SLC4A10: variants seen among roughly 807,000 people sequenced by gnomAD.
The protein encoded by SLC4A10 is solute carrier family 4 member 10, also known as sodium-driven chloride bicarbonate exchanger.
SLC4A10 carries 42 observed loss-of-function variants against 137.7 expected under a neutral mutation model. That is an observed-to-expected ratio of 0.30 (90% CI 0.24 to 0.39). The LOEUF (loss-of-function observed/expected upper bound fraction) is 0.39. SLC4A10 is among the 10% of genes least tolerant of loss of function. SLC4A10 has a pLI of 1.00. For synonymous variants in SLC4A10, 474 were observed against 464.1 expected, an observed-to-expected ratio of 1.02 and a Z score of -0.27; for missense variants, 925 against 1,355.0, an observed-to-expected ratio of 0.68 and a Z score of 4.98.
At chr2:161,785,663 C>T (rs1242612347) in intron 2 of SLC4A10, among the ~76,000 whole-genome samples, 1 of 151,676 alleles carries the variant, frequency 6.6e-6, no homozygotes, top group Admixed American at 6.6e-5. Context: ...AAACTCTCAA[C>T]AAATTAGCTG....
chr2:161,900,318 AT>A (rs1682774575), intron 11 of SLC4A10, among the ~76,000 whole-genome samples: 1 of 152,094 alleles, frequency 6.6e-6, no homozygotes, highest in African/African-American at 2.4e-5. Context: ...ATTGTAAACT[AT>A]TTACTGGGTA....
At chr2:161,653,536 A>T (rs2037103559) in intron 1 of SLC4A10, among the ~76,000 whole-genome samples, 1 of 152,220 alleles carries the variant, frequency 6.6e-6, no homozygotes, top group Admixed American at 6.5e-5. Flanking sequence ...AATAATCGCC[A>T]TTCTAACTGG....
At chr2:161,956,872 A>G in intron 19 of SLC4A10, 117 bp from the exon 20 acceptor site, 1 of 1,119,734 alleles carries the variant, frequency 8.9e-7, no homozygotes, top group South Asian at 1.7e-5. Flanking sequence ...ACTCCAGGAG[A>G]TCTGATATGA....
At chr2:161,780,207 A>G (rs1473799750) in intron 2 of SLC4A10, among the ~76,000 whole-genome samples, 1 of 152,080 alleles carries the variant, frequency 6.6e-6, no homozygotes, top group African/African-American at 2.4e-5. Flanking sequence ...ATATGTATTT[A>G]TTATGTAAAG....
At chr2:161,976,344 A>C (rs1277556760) in intron 24 of SLC4A10, among the ~76,000 whole-genome samples, 1 of 152,214 alleles carries the variant, frequency 6.6e-6, no homozygotes, top group East Asian at 1.9e-4. Context: ...TAACTGAAAT[A>C]AACCAGTCAC....
chr2:161,645,696 T>A (rs1164234494), intron 1 of SLC4A10, among the ~76,000 whole-genome samples: 2 of 152,042 alleles, frequency 1.3e-5, no homozygotes, highest in Non-Finnish European at 2.9e-5. Context: ...TAAGACTTTT[T>A]AAAAATATAA....
intron 1 of SLC4A10, among the ~76,000 whole-genome samples, chr2:161,698,868 G>A (rs995987624): frequency 2.0e-5 from 3 of 152,132 alleles, no homozygotes; most frequent in Non-Finnish European, 4.4e-5. Flanking sequence ...GATTGGAGTA[G>A]TTTCAGAAGG....
At chr2:161,774,715 G>A (rs1414336503) in intron 2 of SLC4A10, among the ~76,000 whole-genome samples, 2 of 151,826 alleles carry the variant, frequency 1.3e-5, no homozygotes, top group South Asian at 4.1e-4. Flanking sequence ...CCTAGCATCA[G>A]AGTTCCATGT....
chr2:161,915,167 T>A (rs777782561), intron 15 of SLC4A10, among the ~76,000 whole-genome samples: 1 of 152,068 alleles, frequency 6.6e-6, no homozygotes, highest in Non-Finnish European at 1.5e-5. Context: ...AGATGGTGGC[T>A]GGACATTGGA....
intron 3 of SLC4A10, among the ~76,000 whole-genome samples, chr2:161,826,629 A>G (rs2058038343): frequency 6.6e-6 from 1 of 152,218 alleles, no homozygotes; most frequent in Non-Finnish European, 1.5e-5. Flanking sequence ...TATAAGTAAT[A>G]TAGCTAATAA....
intron 26 of SLC4A10, 55 bp from the exon 27 acceptor site, chr2:161,983,124 C>T: frequency 6.7e-7 from 1 of 1,482,124 alleles, no homozygotes; most frequent in Non-Finnish European, 9.1e-7. Flanking sequence ...AAGCAGATGT[C>T]ATAGTAGCCA....
chr2:161,652,378 T>A (rs1158453549), intron 1 of SLC4A10, among the ~76,000 whole-genome samples: 1 of 152,182 alleles, frequency 6.6e-6, no homozygotes, highest in African/African-American at 2.4e-5. Context: ...CATTGGTAAT[T>A]TTTTCTTGTT....
chr2:161,844,259 C>T (rs549740466), intron 4 of SLC4A10, among the ~76,000 whole-genome samples: 1 of 152,198 alleles, frequency 6.6e-6, no homozygotes, highest in South Asian at 2.1e-4. Flanking sequence ...TTTATTGATG[C>T]TGTGAAGGCA....
At chr2:161,969,997 C>A (rs1465623459) in intron 23 of SLC4A10, among the ~76,000 whole-genome samples, 1 of 152,158 alleles carries the variant, frequency 6.6e-6, no homozygotes, top group Non-Finnish European at 1.5e-5. Context: ...CAACACCTGG[C>A]AACCTAGAAT....
At chr2:161,789,704 C>A (rs562140207) in intron 2 of SLC4A10, among the ~76,000 whole-genome samples, 1 of 151,948 alleles carries the variant, frequency 6.6e-6, no homozygotes, top group African/African-American at 2.4e-5. Flanking sequence ...TAACAAATTG[C>A]GAATAGAATT....
intron 1 of SLC4A10, among the ~76,000 whole-genome samples, chr2:161,714,122 A>G (rs1163621703): frequency 2.0e-5 from 3 of 151,948 alleles, no homozygotes; most frequent in Non-Finnish European, 2.9e-5. Flanking sequence ...GACTCATATA[A>G]CTGAGAATGC....
chr2:161,929,918 C>G (rs1690013804), intron 15 of SLC4A10, among the ~76,000 whole-genome samples: 1 of 151,942 alleles, frequency 6.6e-6, no homozygotes, highest in East Asian at 1.9e-4. Context: ...TATTATATAT[C>G]AAGAATATTT....
intron 2 of SLC4A10, among the ~76,000 whole-genome samples, chr2:161,802,390 T>C (rs2055464831): frequency 6.6e-6 from 1 of 152,132 alleles, no homozygotes; most frequent in Admixed American, 6.6e-5. Context: ...TTTTCTTTTT[T>C]GCGTTTTATT....
In SLC4A10 at chr2:161,845,252, A is replaced by T. The variant is rs185375812; in HGVS notation, c.416+5325A>T. Among the ~76,000 whole-genome samples, 13 of 152,236 alleles carry T rather than the reference A, an allele frequency of 8.5e-5. No homozygotes were observed. The East Asian group carries it at 2.3e-3, about 27-fold the overall frequency. Reference sequence around the variant, plus strand: ...AGTTATGTATTTATGTGTATGTATTATTTTTAATAGTCTCTTTAACAATAT... The same window carrying T: ...AGTTATGTATTTATGTGTATGTATTTTTTTTAATAGTCTCTTTAACAATAT... On this transcript the variant is annotated intron_variant, in intron 4 of 26. Coordinates refer to ENST00000446997, the MANE Select transcript of SLC4A10 (RefSeq NM_001178015.2).
Sources: gnomAD v4.1 joint callset for allele counts (sites outside exome capture counted in the v4.1 genomes callset) on GRCh38, gnomAD v4.1.1 for gene constraint, MANE v1.5 for transcripts, NCBI Gene and HGNC (gene_info 2026-07-23, HGNC 2026-07-21) for gene names.